Variants in UNC13C observed in about 807,000 individuals in gnomAD.
UNC13C encodes unc-13 homolog C.
In UNC13C, 174 loss-of-function variants were observed where a neutral mutation model predicts 245.4. The ratio of observed to expected loss-of-function variants is 0.71; its 90% CI spans 0.63 to 0.80. The LOEUF (loss-of-function observed/expected upper bound fraction) is 0.80, where lower values mean the gene tolerates loss of function less well. Ranked by LOEUF, UNC13C falls within the 30% of genes least tolerant of loss-of-function variation. UNC13C has a pLI of 0.00. For synonymous variants in UNC13C, 992 were observed against 895.1 expected, an observed-to-expected ratio of 1.11 and a Z score of -1.93; for missense variants, 2,829 against 2,602.9, an observed-to-expected ratio of 1.09 and a Z score of -1.89.
At chr15:53,857,953 A>G in the UNC13C span, among the ~76,000 whole-genome samples, 1 of 152,226 alleles carries the variant, frequency 6.6e-6, no homozygotes, top group Non-Finnish European at 1.5e-5. Flanking sequence ...AATTTATTTC[A>G]TTCCCTAAGG....
chr15:53,944,390 T>C, the UNC13C span, among the ~76,000 whole-genome samples: 1 of 152,110 alleles, frequency 6.6e-6, no homozygotes, highest in East Asian at 1.9e-4. Flanking sequence ...TTATTTTTTC[T>C]GATCCTTTCC....
At chr15:54,286,562 C>T (rs987460640) in intron 10 of UNC13C, among the ~76,000 whole-genome samples, 17 of 152,120 alleles carry the variant, frequency 1.1e-4, no homozygotes, top group Admixed American at 2.6e-4. Flanking sequence ...CTAGGTAGAG[C>T]GATCCATCTC....
chr15:53,915,710 G>T, the UNC13C span, among the ~76,000 whole-genome samples: 4 of 152,172 alleles, frequency 2.6e-5, no homozygotes, highest in Non-Finnish European at 4.4e-5. Context: ...ATCATATTTT[G>T]CTTAGCATAT....
rs1285026711 is a variant in UNC13C at position 54,014,958 on chromosome 15, C to A, written c.2055C>A (p.Asp685Glu). The A allele has an allele frequency of 1.2e-6, 2 of 1,613,794 alleles. No individual in the cohort carries two copies. Among genetic ancestry groups the A allele is most frequent in the Admixed American group, 1.7e-5 (1 of 59,950 alleles). Residue 685 changes from aspartate to glutamate, a missense_variant, in exon 2 of 33, where the codon GAC becomes GAA. Transcript: ENST00000260323. ...ATTATGAAACAAACAGTCTTTTTGA[C>A]CAACAGCTTGATGTTTACAATAAAG... Reference protein sequence around the residue: ...GFDYETNSLFDQQLDVYNKDL... With the variant: ...GFDYETNSLFEQQLDVYNKDL...
At chr15:53,848,266 G>A in the UNC13C span, among the ~76,000 whole-genome samples, 8 of 151,868 alleles carry the variant, frequency 5.3e-5, no homozygotes, top group Admixed American at 2.6e-4. Flanking sequence ...TATTTTTATA[G>A]GGTCTTTTAG....
At chr15:54,054,937 C>T (rs1223987042) in intron 2 of UNC13C, among the ~76,000 whole-genome samples, 1 of 152,018 alleles carries the variant, frequency 6.6e-6, no homozygotes, top group Non-Finnish European at 1.5e-5. Flanking sequence ...TGAGTTGTAT[C>T]ATCTGCATTG....
rs1372060434 is a variant in UNC13C at position 54,143,632 on chromosome 15, A to G, written c.3019A>G (p.Ser1007Gly). ...CTCTTCATTTAAGGCTCGAATAGTA[A>G]GTGGCAATGATTTGGATGCTTCCAA... is the stretch of plus-strand genomic sequence containing the variant. Reference protein sequence around the residue: ...SSVDEKARIVSGNDLDASKFS... With the variant: ...SSVDEKARIVGGNDLDASKFS... The change falls in exon 4 of 33, where the codon AGT becomes GGT. Residue 1007 changes from serine (S) to glycine (G), a missense_variant. Physicochemically the swap from Ser to Gly is moderately conservative, Grantham distance 56. Transcript: ENST00000260323. 1 of 1,613,216 alleles carries G rather than the reference A, an allele frequency of 6.2e-7. No individual in the cohort carries two copies. The highest frequency in any genetic ancestry group is 2.2e-5 in the East Asian group (1 of 44,862).
chr15:54,206,194 TA>T (rs1567097020), intron 4 of UNC13C, among the ~76,000 whole-genome samples: 1 of 152,046 alleles, frequency 6.6e-6, no homozygotes, highest in Non-Finnish European at 1.5e-5. Context: ...TATAGATGAT[TA>T]TTTTTGTTTT....
chr15:53,853,592 C>A, the UNC13C span, among the ~76,000 whole-genome samples: 1 of 152,210 alleles, frequency 6.6e-6, no homozygotes, highest in Non-Finnish European at 1.5e-5. Context: ...AATGGTTGAA[C>A]TAATTTATAC....
chr15:54,092,995 A>T (rs182249903), intron 2 of UNC13C, among the ~76,000 whole-genome samples: 1 of 152,256 alleles, frequency 6.6e-6, no homozygotes, highest in East Asian at 1.9e-4. Context: ...TCTGGAAGGA[A>T]TCCCTTAGCT....
chr15:54,616,522 C>T (rs960617162), intron 30 of UNC13C, among the ~76,000 whole-genome samples: 2 of 151,660 alleles, frequency 1.3e-5, no homozygotes. Flanking sequence ...GGATTCTGAC[C>T]CTGTGTAGGC....
chr15:54,533,173 T>G, intron 26 of UNC13C, 107 bp downstream of exon 26: 2 of 800,670 alleles, frequency 2.5e-6, no homozygotes, highest in South Asian at 2.0e-5. Flanking sequence ...TTAAAAGTCT[T>G]TCTATAGAAA....
At chr15:54,268,273 G>A (rs990823289) in intron 10 of UNC13C, among the ~76,000 whole-genome samples, 1 of 151,762 alleles carries the variant, frequency 6.6e-6, no homozygotes, top group Non-Finnish European at 1.5e-5. Context: ...TTCATATTAG[G>A]CATTTTCTTT....
At chr15:54,292,107 G>A (rs556360485) in intron 10 of UNC13C, among the ~76,000 whole-genome samples, 1 of 152,048 alleles carries the variant, frequency 6.6e-6, no homozygotes, top group South Asian at 2.1e-4. Context: ...TTTCAAAATG[G>A]AAAGGAAGCC....
intron 30 of UNC13C, among the ~76,000 whole-genome samples, chr15:54,591,518 G>A (rs1898790045): frequency 6.6e-6 from 1 of 152,018 alleles, no homozygotes; most frequent in Non-Finnish European, 1.5e-5. Flanking sequence ...TAGGCTAGGA[G>A]GGTTGTATTT....
Position 54,622,339 on chromosome 15 carries a change from A to G in UNC13C, c.6119A>G (p.Lys2040Arg). 6.2e-7 allele frequency: 1 copy of G among 1,613,138 alleles called. No homozygotes were observed. The highest frequency in any genetic ancestry group is 8.5e-7 in the Non-Finnish European group (1 of 1,179,344). ...TGCTTATTTTCAGGTCGTTCCTCCA[A>G]AGATGCCGTGGGTCAGATATCTGTT... Reference protein sequence around the residue: ...DTQTSQSRSSKDAVGQISVHV... With the variant: ...DTQTSQSRSSRDAVGQISVHV... Residue 2040 changes from lysine to arginine, a missense_variant, in exon 31 of 33, where the codon AAA (lysine) becomes AGA (arginine). Coordinates refer to ENST00000260323, the MANE Select transcript of UNC13C (RefSeq NM_001080534.3).
chr15:54,544,278 G>A (rs1186767371), intron 26 of UNC13C, among the ~76,000 whole-genome samples: 1 of 152,064 alleles, frequency 6.6e-6, no homozygotes, highest in Admixed American at 6.6e-5. Flanking sequence ...AATAAAATAG[G>A]TATTGATGGA....
intron 19 of UNC13C, among the ~76,000 whole-genome samples, chr15:54,493,150 T>C (rs1259407119): frequency 6.6e-6 from 1 of 152,168 alleles, no homozygotes; most frequent in Non-Finnish European, 1.5e-5. Flanking sequence ...CCTGAGTTTA[T>C]CAAGTAAATG....
At chr15:53,858,111 CA>C in the UNC13C span, among the ~76,000 whole-genome samples, 13 of 152,130 alleles carry the variant, frequency 8.5e-5, no homozygotes, top group African/African-American at 3.1e-4. Context: ...TGTCATATGT[CA>C]TGTTTAATTT....
Sources: gnomAD v4.1 joint callset for allele counts (sites outside exome capture counted in the v4.1 genomes callset) on GRCh38, gnomAD v4.1.1 for gene constraint, MANE v1.5 for transcripts, NCBI Gene and HGNC (gene_info 2026-07-23, HGNC 2026-07-21) for gene names.